The following FMNL1 variants were observed in gnomAD, a reference collection of about 807,000 sequenced individuals.
FMNL1 encodes the protein formin like 1, also known as formin-like protein 1.
A neutral mutation model predicts 121.3 loss-of-function variants in FMNL1; 43 were observed. The ratio of observed to expected loss-of-function variants is 0.35; its 90% CI spans 0.28 to 0.46. FMNL1 has a LOEUF of 0.46. Ranked by LOEUF, FMNL1 falls within the 20% of genes least tolerant of loss-of-function variation. FMNL1 has a pLI of 1.00. For missense variants in FMNL1, 1,191 were observed against 1,482.4 expected, an observed-to-expected ratio of 0.80 and a Z score of 3.23; for synonymous variants, 613 against 613.5, an observed-to-expected ratio of 1.00 and a Z score of 0.01.
At chr17:45,235,938 T>A (rs951901897) in intron 6 of FMNL1, among the ~76,000 whole-genome samples, 198 bp from the exon 7 acceptor site, 1 of 152,074 alleles carries the variant, frequency 6.6e-6, no homozygotes, top group Non-Finnish European at 1.5e-5. Context: ...GTGTCCCCCC[T>A]CCTCCAAGCA....
In FMNL1 at chr17:45,241,896, G is replaced by A. The variant is rs962272031; in HGVS notation, c.1635G>A (p.Pro545=). The change falls in exon 15 of 27, where the codon CCG becomes CCA. Residue 545 remains proline (P), a synonymous_variant. Coordinates refer to ENST00000331495, the MANE Select transcript of FMNL1 (RefSeq NM_005892.4). The surrounding 1 kb of genome is among the most constrained non-coding windows in gnomAD (Gnocchi z 7.0). The part of the protein sequence containing the change: ...EPAPGAAPPP[P]PPLPGLPSPQ... ...CTCCCGGAGCAGCGCCACCGCCGCC[G>A]CCCCCACTGCCCGGCCTCCCCTCCC... 3 of 1,417,768 alleles carry A rather than the reference G, an allele frequency of 2.1e-6. No homozygotes were observed. The highest frequency in any genetic ancestry group is 6.1e-5 in the Admixed American group (2 of 32,626). 87.8% of individuals were successfully genotyped at this position (1,417,768 alleles called of 1,614,324 possible).
Position 45,241,612 on chromosome 17 carries a change from G to T in FMNL1, c.1563G>T (p.Val521=). 1 of 1,525,690 alleles carries T rather than the reference G, an allele frequency of 6.6e-7. No homozygotes were observed. The highest frequency in any genetic ancestry group is 2.4e-5 in the East Asian group (1 of 42,468). The allele number at this position is 1,525,690 out of a possible 1,614,324, so 94.5% of individuals were successfully genotyped here. Residue 521 remains valine, a synonymous_variant, in exon 14 of 27, where the codon GTG becomes GTT. Coordinates refer to ENST00000331495, the MANE Select transcript of FMNL1 (RefSeq NM_005892.4). The surrounding 1 kb of genome is among the most constrained non-coding windows in gnomAD (Gnocchi z 7.0). ...PSGGDAPTPG[V]PTGSPSPDLA... ...GCGGTGATGCTCCGACTCCGGGGGT[G>T]CCGACCGGCTCCCCCAGCCCAGGTG...
At chr17:45,240,872 G>C in intron 12 of FMNL1, 1 of 711,500 alleles carries the variant, frequency 1.4e-6, no homozygotes, top group Non-Finnish European at 2.3e-6. Context: ...GACCCCAGGT[G>C]AACTGAAATG....
chr17:45,232,569 A>G (rs2043461221), intron 3 of FMNL1, 89 bp downstream of exon 3: 8 of 1,199,030 alleles, frequency 6.7e-6, no homozygotes, highest in Non-Finnish European at 9.7e-6. Context: ...AGACTTTTCT[A>G]TGTGCGTGTG....
intron 7 of FMNL1, 43 bp downstream of exon 7, chr17:45,236,287 T>C: frequency 6.6e-7 from 1 of 1,525,098 alleles, no homozygotes; most frequent in Non-Finnish European, 9.0e-7. Flanking sequence ...GAGCCCAGCC[T>C]GTCCTCACTG....
At chr17:45,234,036 G>T (rs1303272733) in intron 5 of FMNL1, 36 bp from the exon 6 acceptor site, 2 of 1,610,612 alleles carry the variant, frequency 1.2e-6, no homozygotes, top group Non-Finnish European at 8.5e-7. Flanking sequence ...GGCCCCTGCA[G>T]TGTTGGCCTC....
At chr17:45,232,764 T>G in intron 3 of FMNL1, 1 of 592,700 alleles carries the variant, frequency 1.7e-6, no homozygotes. Flanking sequence ...CATAGGTGTG[T>G]GTGTATACTA....
chr17:45,225,994 T>G (rs1156913562), intron 1 of FMNL1, among the ~76,000 whole-genome samples: 4 of 152,108 alleles, frequency 2.6e-5, no homozygotes, highest in African/African-American at 9.7e-5. Flanking sequence ...GATCTGGTCC[T>G]CTCCATCTCA....
chr17:45,233,939 G>A lies in FMNL1; in HGVS notation c.486-133G>A. On this transcript the variant is annotated intron_variant, in intron 5 of 26. Transcript: ENST00000331495. This position sits in a 1 kb window ranked among gnomAD's most constrained non-coding sequence, Gnocchi z 4.1. ...CTCTTCCACCACTATGTTCAGCACA[G>A]TGCCAAGAACACAGCCTCCTCCTCC... 7.1e-7 allele frequency: 1 copy of A among 1,401,770 alleles called. No individual in the cohort carries two copies. The highest frequency in any genetic ancestry group is 9.6e-7 in the Non-Finnish European group (1 of 1,042,126). The allele number at this position is 1,401,770 out of a possible 1,614,324, so 86.8% of individuals were successfully genotyped here. A position where few individuals can be genotyped will look rare whatever the true frequency, so the allele number is the denominator to read the frequency against.
rs1382072184 is a variant in FMNL1, at chr17:45,243,156, C to A, written c.2049C>A (p.Thr683=). The change falls in exon 17 of 27, where the codon ACC becomes ACA. Residue 683 remains threonine (T), a synonymous_variant. Transcript: ENST00000331495. ...GTGATTTTGAGGAACAGTTCAAGAC[C>A]AAGTCCCAAGGCCCCAGCCTGGACC... ...DMSDFEEQFK[T]KSQGPSLDLS... is the part of the protein sequence containing the mutation. The A allele has an allele frequency of 6.2e-7, 1 of 1,614,240 alleles. No homozygotes were observed. The highest frequency in any genetic ancestry group is 8.5e-7 in the Non-Finnish European group (1 of 1,180,050).
Position 45,234,094 on chromosome 17 carries a change from A to G in FMNL1, c.508A>G (p.Asn170Asp). Residue 170 changes from asparagine (N) to aspartate (D), a missense_variant, in exon 6 of 27, where the codon AAC (asparagine) becomes GAC (aspartate). By Grantham distance (23) the Asn-to-Asp change is conservative. Transcript: ENST00000331495. ...SVTYDMESTD[N>D]GASNSEKNKP... ...CAGGTATGACATGGAGAGCACAGAC[A>G]ACGGGGCTTCCAACTCAGAGAAAAA... 1 of 1,614,142 alleles carries G rather than the reference A, an allele frequency of 6.2e-7. No homozygotes were observed. The highest frequency in any genetic ancestry group is 8.5e-7 in the Non-Finnish European group (1 of 1,180,028).
chr17:45,232,104 T>G (rs2043451771), intron 2 of FMNL1, among the ~76,000 whole-genome samples: 1 of 151,166 alleles, frequency 6.6e-6, no homozygotes, highest in Non-Finnish European at 1.5e-5. Flanking sequence ...AGCCCGGGAG[T>G]AGGAGGCTCC....
Position 45,237,763 on chromosome 17 carries a change from C to CA in FMNL1, c.894+128dup. On this transcript the variant is annotated intron_variant, in intron 9 of 26. Coordinates refer to ENST00000331495, the MANE Select transcript of FMNL1 (RefSeq NM_005892.4). The surrounding 1 kb of genome is among the most constrained non-coding windows in gnomAD (Gnocchi z 4.4). Reference sequence around the variant, plus strand: ...ATTGGGTGGGCATTTGGGGAACGCCCAAAAGTTGAAGTTGAGCCACATCAC... The same window carrying CA: ...ATTGGGTGGGCATTTGGGGAACGCCCAAAAAGTTGAAGTTGAGCCACATCAC... 1 of 1,046,076 alleles carries CA rather than the reference C, an allele frequency of 9.6e-7. No homozygotes were observed. Among genetic ancestry groups the CA allele is most frequent in the East Asian group, 2.4e-5 (1 of 40,884 alleles). The allele number at this position is 1,046,076 out of a possible 1,614,324, so 64.8% of individuals were successfully genotyped here. A position where few individuals can be genotyped will look rare whatever the true frequency, so the allele number is the denominator to read the frequency against.
intron 18 of FMNL1, 40 bp downstream of exon 18, chr17:45,244,065 G>A (rs1340079825): frequency 1.3e-6 from 2 of 1,599,410 alleles, no homozygotes; most frequent in Admixed American, 3.4e-5. Flanking sequence ...CTTGGGAGGG[G>A]ATGGGCAGGA....
In FMNL1 at chr17:45,242,033, C is replaced by G; in HGVS notation, c.1772C>G (p.Pro591Arg). Residue 591 changes from proline to arginine, a missense_variant, in exon 15 of 27, where the codon CCG (proline) becomes CGG (arginine). Physicochemically the swap from Pro to Arg is moderately radical, Grantham distance 103. Transcript: ENST00000331495. ...PGDLPPPPPP[P>R]PPPPGTDGPV... ...GACCTGCCGCCCCCACCCCCGCCAC[C>G]GCCACCACCTCCGGGCACTGACGGG... 7.2e-7 allele frequency: 1 copy of G among 1,384,940 alleles called. No individual in the cohort carries two copies. The highest frequency in any genetic ancestry group is 9.4e-7 in the Non-Finnish European group (1 of 1,069,250). The allele number at this position is 1,384,940 out of a possible 1,614,324, so 85.8% of individuals were successfully genotyped here.
rs1019322520 is a variant in FMNL1, at chr17:45,237,056, T to G, written c.724-225T>G. ...TCACTTGAACCCGGGAGGCAGAGACTGCGGTGAGCTGAGATGGCGCCACTG... is the reference window on the plus strand; with the variant it reads ...TCACTTGAACCCGGGAGGCAGAGACGGCGGTGAGCTGAGATGGCGCCACTG... On this transcript the variant is annotated intron_variant, in intron 7 of 26. Transcript: ENST00000331495. This position sits in a 1 kb window ranked among gnomAD's most constrained non-coding sequence, Gnocchi z 4.4. Among the ~76,000 whole-genome samples the G allele has an allele frequency of 2.0e-5, 3 of 152,116 alleles. No individual in the cohort carries two copies. Among genetic ancestry groups the G allele is most frequent in the African/African-American group, 7.2e-5 (3 of 41,412 alleles).
At chr17:45,239,192 G>C in intron 11 of FMNL1, 127 bp downstream of exon 11, 1 of 730,080 alleles carries the variant, frequency 1.4e-6, no homozygotes, top group Non-Finnish European at 2.4e-6. Context: ...GTTGCCTGCC[G>C]TGTGACCTTG....
At chr17:45,244,337 A>T (rs889447067) in intron 19 of FMNL1, 93 bp downstream of exon 19, 2 of 1,413,952 alleles carry the variant, frequency 1.4e-6, no homozygotes, top group African/African-American at 2.9e-5. Context: ...CAACAAAGAT[A>T]ACATTCCCAC....
chr17:45,246,732 C>A, intron 26 of FMNL1, 128 bp downstream of exon 26: 1 of 953,874 alleles, frequency 1.0e-6, no homozygotes. Context: ...GTGGAGGGGT[C>A]TGGCAAACAT....
Sources: allele counts gnomAD v4.1 joint callset (sites outside exome capture counted in the v4.1 genomes callset), GRCh38; gene constraint gnomAD v4.1.1; non-coding constraint Gnocchi (gnomAD v3.1); transcripts MANE v1.5; gene names NCBI Gene and HGNC (gene_info 2026-07-23, HGNC 2026-07-21).